MAP3K7: variants seen among roughly 807,000 people sequenced by gnomAD.
MAP3K7 encodes TGF-beta activated kinase 1.
A neutral mutation model predicts 84.8 loss-of-function variants in MAP3K7; 21 were observed. The observed-to-expected ratio is 0.25, with a 90% CI of 0.18 to 0.36. The LOEUF is 0.36. Ranked by LOEUF, MAP3K7 falls within the 10% of genes least tolerant of loss-of-function variation. The probability of loss-of-function intolerance (pLI) is 1.00; values close to 1 mark genes in which losing one functional copy is unlikely to be tolerated. For synonymous variants in MAP3K7, 241 were observed against 247.7 expected, an observed-to-expected ratio of 0.97 and a Z score of 0.25; for missense variants, 503 against 747.7, an observed-to-expected ratio of 0.67 and a Z score of 3.82.
chr6:90,576,137 C>T (rs1484198223), intron 1 of MAP3K7, among the ~76,000 whole-genome samples: 2 of 152,044 alleles, frequency 1.3e-5, no homozygotes, highest in Admixed American at 6.5e-5. Flanking sequence ...AAAGAGGTTA[C>T]GAATCTGACA....
At chr6:90,583,322 G>C (rs1357002540) in intron 1 of MAP3K7, among the ~76,000 whole-genome samples, 2 of 152,164 alleles carry the variant, frequency 1.3e-5, no homozygotes, top group Non-Finnish European at 2.9e-5. Flanking sequence ...GAGTACTTCA[G>C]AAAGTACTGA....
At chr6:90,544,682 A>C (rs1288766184) in intron 11 of MAP3K7, 50 bp from the exon 12 acceptor site, 1 of 1,432,028 alleles carries the variant, frequency 7.0e-7, no homozygotes, top group Admixed American at 1.7e-5. Flanking sequence ...ACAAACAGTA[A>C]CACGGAAAAT....
intron 13 of MAP3K7, among the ~76,000 whole-genome samples, chr6:90,530,889 C>T (rs183031269): frequency 1.3e-5 from 2 of 152,254 alleles, no homozygotes; most frequent in Admixed American, 1.3e-4. Context: ...TTTAAAATCA[C>T]TGGTAAAATT....
At chr6:90,520,526 A>G (rs1775115517) in intron 14 of MAP3K7, among the ~76,000 whole-genome samples, 1 of 152,040 alleles carries the variant, frequency 6.6e-6, no homozygotes, top group Non-Finnish European at 1.5e-5. Context: ...TAAGCACTCA[A>G]TACATGACGG....
rs1360305331 is a variant in MAP3K7 at position 90,523,608 on chromosome 6, A to T, written c.1462+70T>A. The stretch of plus-strand genomic sequence containing the variant: ...TGCCTGCCTTTGTAAACATTAGAGT[A>T]ATGACATGGCCAAATGAATATAAAC... On this transcript the variant is annotated intron_variant, in intron 14 of 16. Coordinates refer to ENST00000369329, the MANE Select transcript of MAP3K7 (RefSeq NM_145331.3). 15 of 994,954 alleles carry T rather than the reference A, an allele frequency of 1.5e-5. No homozygotes were observed. The East Asian group carries it at 3.6e-4, about 24-fold the overall frequency. The allele number at this position is 994,954 out of a possible 1,614,324, so 61.6% of individuals were successfully genotyped here.
intron 16 of MAP3K7, among the ~76,000 whole-genome samples, chr6:90,517,419 C>T (rs1775001325): frequency 6.6e-6 from 1 of 151,848 alleles, no homozygotes; most frequent in Non-Finnish European, 1.5e-5. Flanking sequence ...AATACTACTT[C>T]TGAAAGTATT....
Position 90,529,086 on chromosome 6 carries a change from C to T in MAP3K7, c.1357-5303G>A, listed in dbSNP as rs185980725. On this transcript the variant is annotated intron_variant, in intron 13 of 16. Transcript: ENST00000369329. ...ACCTTGTGTTTGAGGACATGGAGTG[C>T]CTAACAGTGTACTGCAGGCAAAATG... is the stretch of plus-strand genomic sequence containing the variant. Among the ~76,000 whole-genome samples, 12 of 152,264 alleles carry T rather than the reference C, an allele frequency of 7.9e-5. No homozygotes were observed. In the East Asian group the frequency reaches 1.2e-3, roughly 15 times the overall value.
At chr6:90,519,462 CTAT>C in intron 14 of MAP3K7, 143 bp from the exon 15 acceptor site, 1 of 613,026 alleles carries the variant, frequency 1.6e-6, no homozygotes, top group East Asian at 3.1e-5. Context: ...ATTGAAGAGT[CTAT>C]TTCTGAATTC....
At chr6:90,578,055 G>C (rs1171694994) in intron 1 of MAP3K7, among the ~76,000 whole-genome samples, 2 of 152,108 alleles carry the variant, frequency 1.3e-5, no homozygotes, top group Non-Finnish European at 2.9e-5. Flanking sequence ...TGAAATAACC[G>C]AATTAATCTT....
chr6:90,536,486 T>C, intron 12 of MAP3K7, 85 bp from the exon 13 acceptor site: 1 of 926,680 alleles, frequency 1.1e-6, no homozygotes, highest in Non-Finnish European at 1.6e-6. Context: ...AAAGTTGGAA[T>C]TTGTTGCTCC....
At chr6:90,574,952 T>G (rs370749160) in intron 1 of MAP3K7, among the ~76,000 whole-genome samples, 4 of 152,154 alleles carry the variant, frequency 2.6e-5, no homozygotes, top group African/African-American at 9.7e-5. Flanking sequence ...CACGAGATAT[T>G]TCACATGCAC....
At position 90,516,307 on chromosome 6, in the gene MAP3K7, C is replaced by CA. The variant is rs1162290501; in HGVS notation, c.*193dup. ...AAGTCACAGATGCTACCATGTTATG[C>CA]AATGAAACAGTAAAATTGTATGTCC... On this transcript the variant is annotated 3_prime_UTR_variant, in exon 17 of 17. Transcript: ENST00000369329. The CA allele has an allele frequency of 3.3e-6, 2 of 609,474 alleles. No individual in the cohort carries two copies. The highest frequency in any genetic ancestry group is 3.7e-5 in the African/African-American group (2 of 53,440). 37.8% of individuals were successfully genotyped at this position (609,474 alleles called of 1,614,324 possible).
Position 90,571,866 on chromosome 6 carries a change from T to C in MAP3K7, c.121-59A>G, listed in dbSNP as rs557681219. On this transcript the variant is annotated intron_variant, in intron 1 of 16. Transcript: ENST00000369329. ...AAACACCACAAGAATCGGAATCAAA[T>C]AGATCAGCCCAATATAAAAAACTAA... The C allele has an allele frequency of 1.2e-5, 11 of 906,744 alleles. No homozygotes were observed. The African/African-American group carries it at 1.4e-4, about 11-fold the overall frequency. The allele number at this position is 906,744 out of a possible 1,614,324, so 56.2% of individuals were successfully genotyped here.
intron 2 of MAP3K7, among the ~76,000 whole-genome samples, chr6:90,570,555 G>A (rs1169741366): frequency 6.6e-6 from 1 of 152,160 alleles, no homozygotes; most frequent in Non-Finnish European, 1.5e-5. Flanking sequence ...CACCAAACAT[G>A]AAGGAATGAG....
chr6:90,569,900 T>C (rs981212639), intron 2 of MAP3K7, among the ~76,000 whole-genome samples: 1 of 152,206 alleles, frequency 6.6e-6, no homozygotes, highest in African/African-American at 2.4e-5. Flanking sequence ...ACATACATTA[T>C]GCTGCTGGCT....
chr6:90,564,710 C>A (rs1776644522), intron 3 of MAP3K7, among the ~76,000 whole-genome samples: 1 of 152,180 alleles, frequency 6.6e-6, no homozygotes, highest in Non-Finnish European at 1.5e-5. Context: ...CAGCTCTGCA[C>A]CAAGTGGACC....
At chr6:90,518,189 TAA>T (rs1775031593) in intron 16 of MAP3K7, among the ~76,000 whole-genome samples, 1 of 151,748 alleles carries the variant, frequency 6.6e-6, no homozygotes, top group Non-Finnish European at 1.5e-5. Context: ...TAAATCTTTA[TAA>T]TAATAAGTCT....
chr6:90,565,965 C>A (rs1187170457), intron 3 of MAP3K7, among the ~76,000 whole-genome samples: 1 of 152,168 alleles, frequency 6.6e-6, no homozygotes, highest in Non-Finnish European at 1.5e-5. Context: ...ACAAAAACCA[C>A]ATAATTATCT....
Position 90,516,611 on chromosome 6 carries a change from G to A in MAP3K7, c.1711C>T (p.His571Tyr). 1 of 1,612,032 alleles carries A rather than the reference G, an allele frequency of 6.2e-7. No individual in the cohort carries two copies. The highest frequency in any genetic ancestry group is 1.1e-5 in the South Asian group (1 of 90,924). The stretch of plus-strand genomic sequence containing the variant: ...TTGTTTTCATCTAAAAGCTTTTTAT[G>A]TTCCTGTACCAGGCGAGATGTATTT... Reference protein sequence around the residue: ...QQNTSRLVQEHKKLLDENKSL... With the variant: ...QQNTSRLVQEYKKLLDENKSL... Residue 571 changes from histidine (H) to tyrosine (Y), a missense_variant, in exon 17 of 17, where the codon CAT (histidine) becomes TAT (tyrosine). His to Tyr is a moderately conservative substitution (Grantham distance 83). Transcript: ENST00000369329.
Sources: gnomAD v4.1 joint callset for allele counts (sites outside exome capture counted in the v4.1 genomes callset) on GRCh38, gnomAD v4.1.1 for gene constraint, MANE v1.5 for transcripts, NCBI Gene and HGNC (gene_info 2026-07-23, HGNC 2026-07-21) for gene names.